The following CGNL1 variants were observed in gnomAD, a reference collection of about 807,000 sequenced individuals.
CGNL1 encodes the protein cingulin like 1, also known as cingulin-like protein 1.
Under a neutral mutation model 141.2 loss-of-function variants are expected in CGNL1, and 132 were observed. The ratio of observed to expected loss-of-function variants is 0.93; its 90% CI spans 0.81 to 1.08. The LOEUF (loss-of-function observed/expected upper bound fraction) is 1.08. Ranked by LOEUF, CGNL1 falls within the 50% of genes least tolerant of loss-of-function variation. The pLI is 0.00. For synonymous variants in CGNL1, 690 were observed against 622.1 expected, an observed-to-expected ratio of 1.11 and a Z score of -1.63; for missense variants, 1,870 against 1,588.6, an observed-to-expected ratio of 1.18 and a Z score of -3.01.
At chr15:57,395,578 A>C (rs1369705067) in intron 1 of CGNL1, among the ~76,000 whole-genome samples, 1 of 152,240 alleles carries the variant, frequency 6.6e-6, no homozygotes, top group Non-Finnish European at 1.5e-5. Context: ...ACAGTGATTA[A>C]GGGCTTAAAG....
At chr15:57,433,107 C>G (rs1293620153) in intron 1 of CGNL1, among the ~76,000 whole-genome samples, 3 of 152,254 alleles carry the variant, frequency 2.0e-5, no homozygotes, top group African/African-American at 7.2e-5. Context: ...ATACCACACA[C>G]AAAAAATTTC....
At chr15:57,398,497 C>T (rs1213262623) in intron 1 of CGNL1, 1 of 152,146 alleles carries the variant, frequency 6.6e-6, no homozygotes, top group Non-Finnish European at 1.5e-5. Flanking sequence ...GGAAGCCAGC[C>T]CTTATTGTGT....
chr15:57,510,654 A>G (rs766431957), intron 8 of CGNL1, among the ~76,000 whole-genome samples: 4 of 152,208 alleles, frequency 2.6e-5, no homozygotes, highest in Non-Finnish European at 5.9e-5. Flanking sequence ...ATTTACATTC[A>G]TTTATAATGG....
intron 1 of CGNL1, among the ~76,000 whole-genome samples, chr15:57,401,138 T>C (rs2062656436): frequency 6.6e-6 from 1 of 152,172 alleles, no homozygotes; most frequent in Non-Finnish European, 1.5e-5. Context: ...TGGCTGTGTA[T>C]ATAAATTTTT....
intron 8 of CGNL1, among the ~76,000 whole-genome samples, chr15:57,471,066 A>C (rs557272927): frequency 2.6e-5 from 4 of 152,364 alleles, no homozygotes; most frequent in Admixed American, 1.3e-4. Flanking sequence ...ATTGCTAGGA[A>C]GACAAAGAAA....
chr15:57,501,304 A>T (rs778907785), intron 8 of CGNL1, among the ~76,000 whole-genome samples: 7 of 152,238 alleles, frequency 4.6e-5, no homozygotes, highest in Non-Finnish European at 8.8e-5. Flanking sequence ...TTCCTCACTT[A>T]GAAGCAAAGG....
chr15:57,379,710 C>G (rs1028350626), intron 1 of CGNL1, among the ~76,000 whole-genome samples: 18 of 152,012 alleles, frequency 1.2e-4, no homozygotes, highest in African/African-American at 4.3e-4. Flanking sequence ...AAGGGGAAAC[C>G]AAAAATTGGG....
Position 57,523,584 on chromosome 15 carries a change from C to G in CGNL1, c.2811C>G (p.Asn937Lys), listed in dbSNP as rs150883802. Reference protein sequence around the residue: ...EQKEQLRRLKNEMENERWHLG... With the variant: ...EQKEQLRRLKKEMENERWHLG... ...AGGAGCAGCTAAGAAGGTTGAAGAA[C>G]GAGATGGAGAATGAGCGGTGGCACC... Residue 937 changes from asparagine to lysine, a missense_variant, in exon 11 of 19, where the codon AAC becomes AAG. Asn to Lys is a moderately conservative substitution (Grantham distance 94, BLOSUM62 0). Transcript: ENST00000281282. The G allele has an allele frequency of 1.1e-4, 177 of 1,614,032 alleles. 2 individuals are homozygous for G. The South Asian group carries it at 1.3e-3, about 12-fold the overall frequency.
chr15:57,447,739 A>G (rs1268994482), intron 4 of CGNL1, among the ~76,000 whole-genome samples: 5 of 151,562 alleles, frequency 3.3e-5, no homozygotes, highest in South Asian at 2.1e-4. Context: ...TCAGACTCCA[A>G]TTACATGTAT....
intron 1 of CGNL1, chr15:57,402,791 C>T (rs554903542): frequency 2.0e-5 from 3 of 152,292 alleles, no homozygotes; most frequent in African/African-American, 4.8e-5. Flanking sequence ...TGACCTGTCC[C>T]CTTTTCTGCT....
chr15:57,514,143 T>C (rs2030571792), intron 8 of CGNL1, among the ~76,000 whole-genome samples: 1 of 138,324 alleles, frequency 7.2e-6, no homozygotes, highest in East Asian at 2.0e-4. Context: ...TCGGATCCTT[T>C]CCCCATTGTT....
At chr15:57,495,689 T>C (rs1046440212) in intron 8 of CGNL1, among the ~76,000 whole-genome samples, 1 of 152,208 alleles carries the variant, frequency 6.6e-6, no homozygotes. Context: ...GAGGCACTTA[T>C]AAGCACCAAG....
chr15:57,384,071 G>A lies in CGNL1; in HGVS notation c.-16+7504G>A, dbSNP rs1162238331. Among the ~76,000 whole-genome samples the A allele has an allele frequency of 8.0e-5, 12 of 150,900 alleles. No homozygotes were observed. The Admixed American group carries it at 8.0e-4, about 10-fold the overall frequency. On this transcript the variant is annotated intron_variant, in intron 1 of 18. Transcript: ENST00000281282. ...CCACCTATAAGCTTTGGGGAGTGGG[G>A]TGGGTGGGTTGGGAGGAGAAGGTAG...
intron 1 of CGNL1, among the ~76,000 whole-genome samples, chr15:57,391,941 T>A (rs2062547320): frequency 7.0e-6 from 1 of 143,432 alleles, no homozygotes; most frequent in African/African-American, 2.7e-5. Context: ...CATTTTTTTG[T>A]TCGCAAAAAT....
intron 1 of CGNL1, among the ~76,000 whole-genome samples, chr15:57,408,089 C>T (rs1261151805): frequency 2.0e-5 from 3 of 151,948 alleles, no homozygotes; most frequent in Admixed American, 6.6e-5. Flanking sequence ...AAATATGTGG[C>T]AGTGAGAGGG....
intron 8 of CGNL1, among the ~76,000 whole-genome samples, chr15:57,494,219 A>G (rs998719995): frequency 2.0e-5 from 3 of 152,244 alleles, no homozygotes; most frequent in African/African-American, 7.2e-5. Context: ...ACTATTCTCA[A>G]GGTATAGCCA....
chr15:57,466,807 C>G (rs553293043), intron 8 of CGNL1, among the ~76,000 whole-genome samples: 1 of 152,212 alleles, frequency 6.6e-6, no homozygotes, highest in South Asian at 2.1e-4. Flanking sequence ...TTGTTAGGAG[C>G]AGTATCATGA....
chr15:57,408,965 C>T (rs768952724), intron 1 of CGNL1, among the ~76,000 whole-genome samples: 1 of 151,556 alleles, frequency 6.6e-6, no homozygotes, highest in Non-Finnish European at 1.5e-5. Flanking sequence ...CGCTTGAACT[C>T]GGGAGGTGGA....
At chr15:57,471,954 A>AT (rs2063587264) in intron 8 of CGNL1, among the ~76,000 whole-genome samples, 1 of 151,878 alleles carries the variant, frequency 6.6e-6, no homozygotes, top group African/African-American at 2.4e-5. Flanking sequence ...TAAATGTGTG[A>AT]TTTTCTGGGT....
Sources: gnomAD v4.1 joint callset for allele counts (sites outside exome capture counted in the v4.1 genomes callset) on GRCh38, gnomAD v4.1.1 for gene constraint, MANE v1.5 for transcripts, NCBI Gene and HGNC (gene_info 2026-07-23, HGNC 2026-07-21) for gene names.